Variants in AGO2 observed in about 807,000 individuals in gnomAD.
AGO2 encodes argonaute RISC catalytic component 2, also known as protein argonaute-2.
AGO2 carries 5 observed loss-of-function variants against 102.3 expected under a neutral mutation model. The ratio of observed to expected loss-of-function variants is 0.05; its 90% CI spans 0.03 to 0.10. AGO2 has a LOEUF of 0.10. Ranked by LOEUF, AGO2 falls within the 10% of genes least tolerant of loss-of-function variation. AGO2 has a pLI of 1.00. For missense variants in AGO2, 541 were observed against 1,183.7 expected (o/e 0.46, Z 7.97); for synonymous variants, 449 against 473.1 (o/e 0.95, Z 0.66).
chr8:140,633,744 C>T (rs1018845741), intron 1 of AGO2, among the ~76,000 whole-genome samples: 2 of 152,150 alleles, frequency 1.3e-5, no homozygotes, highest in East Asian at 1.9e-4. Context: ...AGAACCAGCT[C>T]GGAAGTCGGA....
At chr8:140,607,782 G>C (rs2074023461) in intron 1 of AGO2, among the ~76,000 whole-genome samples, 1 of 151,958 alleles carries the variant, frequency 6.6e-6, no homozygotes, top group Non-Finnish European at 1.5e-5. Flanking sequence ...GGGTGGGAGG[G>C]GGCCATAGGA....
At position 140,562,464 on chromosome 8, in the gene AGO2, C is replaced by T. The variant is rs765555378; in HGVS notation, c.507G>A (p.Leu169=). 1.2e-6 allele frequency: 2 copies of T among 1,611,784 alleles called. No homozygotes were observed. The highest frequency in any genetic ancestry group is 8.5e-7 in the Non-Finnish European group (1 of 1,179,068). Residue 169 remains leucine, a synonymous_variant, in exon 4 of 19, where the codon TTG becomes TTA. Coordinates refer to ENST00000220592, the MANE Select transcript of AGO2 (RefSeq NM_012154.5). The stretch of plus-strand genomic sequence containing the variant: ...TGTGGCGCCCTCACCTCATGGATGG[C>T]AAGTGCCTCATGACCACGTCCAGGG... The part of the protein sequence containing the change: ...IQALDVVMRH[L]PSMRYTPVGR...
At chr8:140,612,288 G>A (rs2152102091) in intron 1 of AGO2, among the ~76,000 whole-genome samples, 1 of 148,222 alleles carries the variant, frequency 6.7e-6, no homozygotes, top group East Asian at 2.1e-4. Flanking sequence ...CAGTGTTCGT[G>A]AATGGGATGT....
At chr8:140,598,414 G>A (rs546822653) in intron 1 of AGO2, among the ~76,000 whole-genome samples, 3 of 152,338 alleles carry the variant, frequency 2.0e-5, no homozygotes, top group African/African-American at 4.8e-5. Context: ...CTCCTGCTTC[G>A]CAGCCATCTT....
chr8:140,568,320 G>T (rs2073324889), intron 3 of AGO2, among the ~76,000 whole-genome samples: 1 of 148,828 alleles, frequency 6.7e-6, no homozygotes, highest in Non-Finnish European at 1.5e-5. Context: ...CAAAGAAACT[G>T]TGTATGAAGC....
intron 1 of AGO2, among the ~76,000 whole-genome samples, chr8:140,606,485 A>G (rs1286896006): frequency 1.3e-5 from 2 of 152,250 alleles, no homozygotes; most frequent in Non-Finnish European, 2.9e-5. Context: ...GCAGTTTCCA[A>G]GAACCTCTCC....
At chr8:140,598,488 C>T (rs1034110357) in intron 1 of AGO2, among the ~76,000 whole-genome samples, 1 of 152,262 alleles carries the variant, frequency 6.6e-6, no homozygotes, top group Admixed American at 6.5e-5. Context: ...TGACACTCAG[C>T]TCCTCTGGGA....
At chr8:140,601,457 T>C in intron 1 of AGO2, among the ~76,000 whole-genome samples, 1 of 152,238 alleles carries the variant, frequency 6.6e-6, no homozygotes, top group East Asian at 1.9e-4. Context: ...AAGAGAAATG[T>C]CTCTGTTTCT....
At chr8:140,559,373 G>T (rs1411973392) in intron 6 of AGO2, 22 bp downstream of exon 6, 2 of 1,610,804 alleles carry the variant, frequency 1.2e-6, no homozygotes, top group Admixed American at 3.3e-5. Context: ...CCTCAGCCAG[G>T]TGTGCTGGGA....
chr8:140,621,143 C>T (rs961782421), intron 1 of AGO2, among the ~76,000 whole-genome samples: 3 of 152,228 alleles, frequency 2.0e-5, no homozygotes, highest in African/African-American at 7.2e-5. Flanking sequence ...GGTGCCATTT[C>T]TGATGATCTC....
chr8:140,534,784 G>C (rs1046015240), intron 17 of AGO2, among the ~76,000 whole-genome samples: 1 of 152,192 alleles, frequency 6.6e-6, no homozygotes, highest in African/African-American at 2.4e-5. Context: ...CTCTCTGCAG[G>C]CAGGGACGGC....
intron 2 of AGO2, 74 bp downstream of exon 2, chr8:140,585,045 G>A: frequency 1.4e-6 from 2 of 1,394,354 alleles, no homozygotes; most frequent in Non-Finnish European, 1.9e-6. Context: ...GAGAATTTCA[G>A]AGTTGATTAG....
intron 16 of AGO2, 121 bp from the exon 17 acceptor site, chr8:140,535,690 A>G (rs2072684352): frequency 1.2e-6 from 1 of 814,264 alleles, no homozygotes; most frequent in Admixed American, 1.9e-5. Context: ...TAAATTGGCT[A>G]ATACAGGTCC....
chr8:140,582,238 C>T (rs76170696), intron 2 of AGO2, among the ~76,000 whole-genome samples: 2,488 of 152,262 alleles, frequency 0.016, 51 homozygotes, highest in African/African-American at 0.056. Context: ...CCAAGAGTTC[C>T]TGGCCTAAAG....
Position 140,528,852 on chromosome 8 carries a change from A to C in AGO2, c.*3192T>G, listed in dbSNP as rs375486572. ...CACCGAAGGGCTCACACACGAGGGC[A>C]GCTTTCCACCGCTCCCCTGGTGTTC... On this transcript the variant is annotated 3_prime_UTR_variant, in exon 19 of 19. Coordinates refer to ENST00000220592, the MANE Select transcript of AGO2 (RefSeq NM_012154.5). The surrounding 1 kb of genome is among the most constrained non-coding windows in gnomAD (Gnocchi z 4.5). The C allele has an allele frequency of 2.0e-5, 3 of 152,338 alleles. No homozygotes were observed. In the East Asian group the frequency reaches 5.8e-4, roughly 29 times the overall value. The allele number at this position is 152,338 out of a possible 1,614,324, so 9.4% of individuals were successfully genotyped here. A position where few individuals can be genotyped will look rare whatever the true frequency, so the allele number is the denominator to read the frequency against.
chr8:140,592,406 G>C (rs1297166755), intron 1 of AGO2: 2 of 152,234 alleles, frequency 1.3e-5, no homozygotes, highest in Non-Finnish European at 2.9e-5. Flanking sequence ...TTCCGACTCT[G>C]TATCTGCCTC....
intron 1 of AGO2, among the ~76,000 whole-genome samples, chr8:140,609,830 T>A (rs920455017): frequency 4.0e-5 from 6 of 150,992 alleles, no homozygotes; most frequent in Middle Eastern, 3.4e-3. Context: ...ACACCTGTAA[T>A]CCCGGCACAG....
intron 2 of AGO2, 56 bp from the exon 3 acceptor site, chr8:140,572,988 C>T: frequency 6.5e-7 from 1 of 1,544,418 alleles, no homozygotes; most frequent in South Asian, 1.2e-5. Context: ...AAATGGCATA[C>T]AAGGACATTT....
chr8:140,551,493 C>A, intron 10 of AGO2, 57 bp from the exon 11 acceptor site: 1 of 1,418,262 alleles, frequency 7.1e-7, no homozygotes, highest in South Asian at 1.6e-5. Flanking sequence ...TTCCTTCAAC[C>A]TTAGACTTTG....
Sources: gnomAD v4.1 joint callset for allele counts (sites outside exome capture counted in the v4.1 genomes callset) on GRCh38, gnomAD v4.1.1 for gene constraint, Gnocchi (gnomAD v3.1) non-coding constraint, MANE v1.5 for transcripts, NCBI Gene and HGNC (gene_info 2026-07-23, HGNC 2026-07-21) for gene names.